Variants in ZFHX3 observed in about 807,000 individuals in gnomAD.
ZFHX3 encodes zinc finger homeobox protein 3.
Under a neutral mutation model 279.1 loss-of-function variants are expected in ZFHX3, and 42 were observed. The ratio of observed to expected loss-of-function variants is 0.15; its 90% CI spans 0.12 to 0.19. ZFHX3 has a LOEUF of 0.19. ZFHX3 is among the 10% of genes least tolerant of loss of function. ZFHX3 has a pLI of 1.00. For missense variants in ZFHX3, 4,981 were observed against 4,754.0 expected (o/e 1.05, Z -1.40); for synonymous variants, 2,293 against 1,957.8 (o/e 1.17, Z -4.52).
chr16:73,093,180 G>A (rs1394161925), intron 8 of ZFHX3: 6 of 519,860 alleles, frequency 1.2e-5, no homozygotes, highest in African/African-American at 3.9e-5. Context: ...AGAGGTTTTC[G>A]GGAAACTCTG....
intron 1 of ZFHX3, among the ~76,000 whole-genome samples, chr16:73,756,221 T>A (rs1246485844): frequency 6.6e-6 from 1 of 152,180 alleles, no homozygotes; most frequent in Non-Finnish European, 1.5e-5. Context: ...ACTCTCTCTT[T>A]CTCTTTCCCT....
chr16:73,312,720 G>A lies in ZFHX3; in HGVS notation c.-1194+5520C>T, dbSNP rs1024199855. ...AAAGGCACAACTCTACATTTGCCTC[G>A]TTTTCCAGATGAGGAAATACAGGCT... On this transcript the variant is annotated intron_variant, in intron 4 of 17. Coordinates refer to the ZFHX3 transcript ENST00000641206. 7.9e-5 allele frequency among the ~76,000 whole-genome samples: 12 copies of A among 152,246 alleles called. No homozygotes were observed. The South Asian group carries it at 1.2e-3, about 16-fold the overall frequency.
At chr16:73,348,383 T>C (rs1215254803) in intron 3 of ZFHX3, among the ~76,000 whole-genome samples, 2 of 152,204 alleles carry the variant, frequency 1.3e-5, no homozygotes, top group Non-Finnish European at 2.9e-5. Flanking sequence ...CCTTCACCTT[T>C]GGGGTGGGTC....
chr16:73,690,708 T>C (rs536845002), intron 1 of ZFHX3, among the ~76,000 whole-genome samples: 1 of 152,346 alleles, frequency 6.6e-6, no homozygotes, highest in South Asian at 2.1e-4. Flanking sequence ...TTTTCCTCTT[T>C]TGGCTGCTGT....
chr16:73,207,626 C>T (rs2011858455), intron 5 of ZFHX3, among the ~76,000 whole-genome samples: 1 of 151,982 alleles, frequency 6.6e-6, no homozygotes, highest in Non-Finnish European at 1.5e-5. Context: ...ACTAGAGAGG[C>T]GATATCAGTG....
chr16:73,855,018 A>T (rs1313308270), intron 1 of ZFHX3, among the ~76,000 whole-genome samples: 1 of 152,168 alleles, frequency 6.6e-6, no homozygotes, highest in Non-Finnish European at 1.5e-5. Flanking sequence ...ACAATCCCCA[A>T]GCCAGTATTT....
intron 2 of ZFHX3, among the ~76,000 whole-genome samples, chr16:73,502,598 G>T (rs570708911): frequency 6.6e-6 from 1 of 152,334 alleles, no homozygotes; most frequent in Non-Finnish European, 1.5e-5. Context: ...ATGGTAGACA[G>T]TACGGAGCTG....
intron 1 of ZFHX3, among the ~76,000 whole-genome samples, chr16:73,716,655 G>GCACACACACACA (rs1567560122): frequency 1.6e-4 from 16 of 100,610 alleles, no homozygotes; most frequent in African/African-American, 5.7e-4. Context: ...ACACACGCAT[G>GCACACACACACA]CACGCACGCA....
intron 1 of ZFHX3, among the ~76,000 whole-genome samples, chr16:73,860,696 C>T (rs1412433213): frequency 6.6e-6 from 1 of 152,184 alleles, no homozygotes; most frequent in Non-Finnish European, 1.5e-5. Flanking sequence ...TTATATTTCT[C>T]CCATGCTGTC....
chr16:73,153,081 A>T (rs1395232753), intron 5 of ZFHX3, among the ~76,000 whole-genome samples: 2 of 151,424 alleles, frequency 1.3e-5, no homozygotes, highest in East Asian at 3.9e-4. Context: ...AGCAGGTTAA[A>T]CTCTCTGGTT....
intron 4 of ZFHX3, among the ~76,000 whole-genome samples, chr16:72,851,554 A>G (rs529897370): frequency 6.6e-6 from 1 of 151,268 alleles, no homozygotes; most frequent in Non-Finnish European, 1.5e-5. Context: ...TTTGATTCCA[A>G]TTTCACTTTT....
intron 1 of ZFHX3, among the ~76,000 whole-genome samples, chr16:73,727,913 G>C (rs1371037609): frequency 6.6e-6 from 1 of 151,720 alleles, no homozygotes; most frequent in East Asian, 1.9e-4. Flanking sequence ...AATCTTCCAG[G>C]GCTACACTGT....
At chr16:73,487,307 G>C in intron 2 of ZFHX3, 1 of 327,710 alleles carries the variant, frequency 3.1e-6, no homozygotes, top group Non-Finnish European at 6.0e-6. Context: ...GCGCTGTAGG[G>C]TGCAGTTACT....
At chr16:72,822,030 T>G (rs2036805996) in intron 5 of ZFHX3, 2 of 152,174 alleles carry the variant, frequency 1.3e-5, no homozygotes, top group Admixed American at 6.5e-5. Context: ...CACCTTAAAT[T>G]TGTCTTTTCT....
rs116480011 is a variant in ZFHX3 at position 72,853,327 on chromosome 16, T to A, written c.3449-23468A>T. 4.3e-4 allele frequency among the ~76,000 whole-genome samples: 66 copies of A among 152,384 alleles called. 2 individuals are homozygous for A. The South Asian group carries it at 0.013, about 29-fold the overall frequency. On this transcript the variant is annotated intron_variant, in intron 4 of 9. Coordinates refer to ENST00000268489, the MANE Select transcript of ZFHX3 (RefSeq NM_006885.4). The stretch of plus-strand genomic sequence containing the variant: ...ATCAAATCTTATCAGAATTGAGCTA[T>A]AAATCTGTGAAGACTCCAATAATTT...
chr16:72,882,980 GTGTGTGTGTGTGTGTGTGT>G (rs2038525143), intron 4 of ZFHX3, among the ~76,000 whole-genome samples: 458 of 35,494 alleles, frequency 0.013, 8 homozygotes, highest in African/African-American at 0.014. Flanking sequence ...ACTCTGGGGT[GTGTGTGTGTGTGTGTGTGT>G]GTGTGTGTGT....
chr16:72,955,471 T>G (rs905059892), intron 2 of ZFHX3, among the ~76,000 whole-genome samples: 1 of 152,156 alleles, frequency 6.6e-6, no homozygotes, highest in Admixed American at 6.5e-5. Flanking sequence ...TACCTGTTCT[T>G]AAGGTAATTA....
At chr16:73,391,538 G>A (rs2017013175) in intron 3 of ZFHX3, among the ~76,000 whole-genome samples, 1 of 152,144 alleles carries the variant, frequency 6.6e-6, no homozygotes, top group Admixed American at 6.5e-5. Flanking sequence ...TATGACTTTA[G>A]GGAATTTTAC....
At chr16:73,067,225 GCCGA>G (rs1965766309) in intron 8 of ZFHX3, among the ~76,000 whole-genome samples, 1 of 152,210 alleles carries the variant, frequency 6.6e-6, no homozygotes, top group South Asian at 2.1e-4. Context: ...GCAGATTTGA[GCCGA>G]CCCCTCTTTC....
Sources: gnomAD v4.1 joint callset for allele counts (sites outside exome capture counted in the v4.1 genomes callset) on GRCh38, gnomAD v4.1.1 for gene constraint, MANE v1.5 for transcripts, NCBI Gene and HGNC (gene_info 2026-07-23, HGNC 2026-07-21) for gene names.